Variants in FAM114A1 observed in about 807,000 individuals in gnomAD.
FAM114A1 encodes the protein family with sequence similarity 114 member A1.
A neutral mutation model predicts 64.3 loss-of-function variants in FAM114A1; 62 were observed. That is an observed-to-expected ratio of 0.96 (90% confidence interval 0.79 to 1.19). The LOEUF (loss-of-function observed/expected upper bound fraction) is 1.19, where lower values mean the gene tolerates loss of function less well. Ranked by LOEUF, FAM114A1 falls within the 50% of genes most tolerant of loss-of-function variation. The pLI, the probability that FAM114A1 is intolerant of heterozygous loss-of-function variation, is 0.00. For missense variants in FAM114A1, 645 were observed against 676.3 expected (o/e 0.95, Z 0.51); for synonymous variants, 254 against 251.1 (o/e 1.01, Z -0.11).
intron 8 of FAM114A1, among the ~76,000 whole-genome samples, chr4:38,916,532 A>G (rs1719066594): frequency 6.6e-6 from 1 of 152,188 alleles, no homozygotes; most frequent in African/African-American, 2.4e-5. Context: ...GAAGCTGGAA[A>G]CCATCATTCT....
At chr4:38,902,803 G>A (rs184911801) in intron 4 of FAM114A1, among the ~76,000 whole-genome samples, 1 of 152,014 alleles carries the variant, frequency 6.6e-6, no homozygotes, top group East Asian at 1.9e-4. Context: ...TCTCTTATTA[G>A]TAGGTCCCAG....
chr4:38,926,651 T>A (rs1429171685), intron 9 of FAM114A1, among the ~76,000 whole-genome samples: 2 of 152,086 alleles, frequency 1.3e-5, no homozygotes, highest in South Asian at 4.1e-4. Flanking sequence ...AGATGGGGTT[T>A]CACCACGTTG....
Position 38,932,273 on chromosome 4 carries a change from A to C in FAM114A1, c.1362A>C (p.Val454=). 1 of 1,610,266 alleles carries C rather than the reference A, an allele frequency of 6.2e-7. No individual in the cohort carries two copies. The highest frequency in any genetic ancestry group is 8.5e-7 in the Non-Finnish European group (1 of 1,179,128). The change falls in exon 12 of 15, where the codon GTA becomes GTC. Residue 454 remains valine, a synonymous_variant. Coordinates refer to ENST00000358869, the MANE Select transcript of FAM114A1 (RefSeq NM_138389.4). ...YMSSIESLAE[V]TARCIEQLHK... The stretch of plus-strand genomic sequence containing the variant: ...CGTCCATTGAAAGTCTGGCGGAGGT[A>C]ACAGCGCGCTGTATTGAGCAGCTTC...
intron 13 of FAM114A1, 36 bp from the exon 14 acceptor site, chr4:38,940,932 A>G: frequency 6.2e-7 from 1 of 1,608,766 alleles, no homozygotes. Context: ...TAGTATGAGC[A>G]CCTAATCTGT....
chr4:38,902,350 A>C (rs1717596880), intron 4 of FAM114A1, among the ~76,000 whole-genome samples: 1 of 152,222 alleles, frequency 6.6e-6, no homozygotes, highest in African/African-American at 2.4e-5. Flanking sequence ...GAGATTTCAC[A>C]TGTTTCTTCT....
chr4:38,897,149 G>C (rs1466928405), intron 4 of FAM114A1, among the ~76,000 whole-genome samples: 1 of 152,170 alleles, frequency 6.6e-6, no homozygotes, highest in African/African-American at 2.4e-5. Flanking sequence ...CCTGAGACCT[G>C]GTCCTGAATG....
chr4:38,932,281 G>C lies in FAM114A1; in HGVS notation c.1370G>C (p.Arg457Pro), dbSNP rs144432688. 1.2e-6 allele frequency: 2 copies of C among 1,613,464 alleles called. No homozygotes were observed. Among genetic ancestry groups the C allele is most frequent in the East Asian group, 2.2e-5 (1 of 44,886 alleles). The change falls in exon 12 of 15, where the codon CGC (arginine) becomes CCC (proline). Residue 457 changes from arginine (R) to proline (P), a missense_variant. Arg to Pro is a moderately radical substitution (Grantham distance 103, BLOSUM62 -2). Transcript: ENST00000358869. ...SIESLAEVTARCIEQLHKVAE... is the reference protein window; with the variant it reads ...SIESLAEVTAPCIEQLHKVAE... ...GAAAGTCTGGCGGAGGTAACAGCGC[G>C]CTGTATTGAGCAGCTTCATAAAGTA...
At chr4:38,939,138 G>A (rs1721368462) in intron 13 of FAM114A1, among the ~76,000 whole-genome samples, 1 of 152,138 alleles carries the variant, frequency 6.6e-6, no homozygotes, top group Non-Finnish European at 1.5e-5. Context: ...ATGTAGCAAG[G>A]CTGTGGCAGA....
chr4:38,920,131 C>A (rs950536079), intron 8 of FAM114A1, among the ~76,000 whole-genome samples: 2 of 151,616 alleles, frequency 1.3e-5, no homozygotes, highest in African/African-American at 2.4e-5. Flanking sequence ...CGCTTGAACC[C>A]GGGAGGCGGA....
chr4:38,927,480 C>G (rs184731192), intron 9 of FAM114A1, among the ~76,000 whole-genome samples: 1 of 152,086 alleles, frequency 6.6e-6, no homozygotes, highest in African/African-American at 2.4e-5. Context: ...CTCCCCACTT[C>G]ATGATCTAAT....
intron 4 of FAM114A1, among the ~76,000 whole-genome samples, chr4:38,895,008 T>C (rs1716777690): frequency 6.6e-6 from 1 of 152,134 alleles, no homozygotes. Context: ...ACACTATGCT[T>C]GTACATAATG....
chr4:38,891,427 G>A (rs753271039), intron 3 of FAM114A1, among the ~76,000 whole-genome samples: 2 of 152,092 alleles, frequency 1.3e-5, no homozygotes, highest in Admixed American at 6.6e-5. Flanking sequence ...GCCCTCATGC[G>A]TATCTTTTTC....
At chr4:38,897,881 G>T (rs1038077796) in intron 4 of FAM114A1, among the ~76,000 whole-genome samples, 5 of 151,778 alleles carry the variant, frequency 3.3e-5, no homozygotes, top group African/African-American at 7.3e-5. Context: ...GGGAGATGGA[G>T]GTTGCAGTGA....
intron 7 of FAM114A1, among the ~76,000 whole-genome samples, chr4:38,912,923 G>A (rs1419716283): frequency 1.3e-5 from 2 of 152,188 alleles, no homozygotes; most frequent in African/African-American, 4.8e-5. Context: ...GTTTCATTGG[G>A]TTGTTTGAAA....
chr4:38,907,249 G>A (rs1242747072), intron 6 of FAM114A1, among the ~76,000 whole-genome samples: 1 of 152,176 alleles, frequency 6.6e-6, no homozygotes, highest in African/African-American at 2.4e-5. Flanking sequence ...CCCGTGGGGG[G>A]TTTGTAGGAT....
At chr4:38,880,698 T>C (rs1246344579) in intron 3 of FAM114A1, among the ~76,000 whole-genome samples, 2 of 152,204 alleles carry the variant, frequency 1.3e-5, no homozygotes, top group Non-Finnish European at 2.9e-5. Flanking sequence ...GAGCTATGGT[T>C]CCCAATTTTC....
chr4:38,931,300 T>G, intron 10 of FAM114A1, 151 bp from the exon 11 acceptor site: 1 of 784,866 alleles, frequency 1.3e-6, no homozygotes, highest in Non-Finnish European at 1.9e-6. Context: ...GTTATCTTTT[T>G]CGGGGGTTGA....
chr4:38,882,801 C>A (rs548644043), intron 3 of FAM114A1, among the ~76,000 whole-genome samples: 136 of 152,186 alleles, frequency 8.9e-4, no homozygotes, highest in African/African-American at 3.0e-3. Context: ...GATCTGGATC[C>A]CCTTAAAATC....
At chr4:38,937,034 T>G (rs1428407646) in intron 13 of FAM114A1, among the ~76,000 whole-genome samples, 2 of 152,240 alleles carry the variant, frequency 1.3e-5, no homozygotes, top group Admixed American at 1.3e-4. Context: ...TTCACCTTAG[T>G]AGGCGCAGAG....
Sources: gnomAD v4.1 joint callset for allele counts (sites outside exome capture counted in the v4.1 genomes callset) on GRCh38, gnomAD v4.1.1 for gene constraint, MANE v1.5 for transcripts, NCBI Gene and HGNC (gene_info 2026-07-23, HGNC 2026-07-21) for gene names.